AUTS2: variants seen among roughly 807,000 people sequenced by gnomAD.
AUTS2 encodes activator of transcription and developmental regulator AUTS2.
In AUTS2, 17 loss-of-function variants were observed where a neutral mutation model predicts 112.4. The observed-to-expected ratio is 0.15, with a 90% CI of 0.10 to 0.23. The LOEUF (loss-of-function observed/expected upper bound fraction) is 0.23, where lower values mean the gene tolerates loss of function less well. Ranked by LOEUF, AUTS2 falls within the 10% of genes least tolerant of loss-of-function variation. The pLI is 1.00. For missense variants in AUTS2, 1,510 were observed against 1,701.6 expected, an observed-to-expected ratio of 0.89 and a Z score of 1.98; for synonymous variants, 751 against 702.7, an observed-to-expected ratio of 1.07 and a Z score of -1.09.
intron 2 of AUTS2, among the ~76,000 whole-genome samples, chr7:69,919,522 G>A (rs1394508536): frequency 1.3e-5 from 2 of 152,218 alleles, no homozygotes; most frequent in Non-Finnish European, 2.9e-5. Context: ...CAGTGAAGAA[G>A]ATAGCAGTGT....
chr7:69,658,945 C>T (rs769826235), intron 1 of AUTS2, among the ~76,000 whole-genome samples: 1 of 152,178 alleles, frequency 6.6e-6, no homozygotes, highest in Non-Finnish European at 1.5e-5. Context: ...TTCACATATC[C>T]ACTTCCATTG....
chr7:70,554,157 C>G (rs1253479181), intron 5 of AUTS2, among the ~76,000 whole-genome samples: 1 of 151,216 alleles, frequency 6.6e-6, no homozygotes, highest in African/African-American at 2.4e-5. Flanking sequence ...CAACCTCCGC[C>G]TCCTGGGTTC....
chr7:70,567,179 A>T (rs929807707), intron 5 of AUTS2, among the ~76,000 whole-genome samples: 3 of 152,250 alleles, frequency 2.0e-5, no homozygotes, highest in Non-Finnish European at 2.9e-5. Flanking sequence ...CAACTGGCCA[A>T]TGAAACCCTT....
intron 4 of AUTS2, among the ~76,000 whole-genome samples, chr7:70,401,023 TA>T (rs1794305084): frequency 6.6e-6 from 1 of 152,120 alleles, no homozygotes; most frequent in African/African-American, 2.4e-5. Context: ...ATAATGAGGT[TA>T]GGGGCTGTGG....
intron 4 of AUTS2, among the ~76,000 whole-genome samples, chr7:70,356,892 TCCCAG>T (rs1432289771): frequency 6.6e-6 from 1 of 152,174 alleles, no homozygotes; most frequent in Non-Finnish European, 1.5e-5. Context: ...ATTGGACCAG[TCCCAG>T]TTCCTTAGTA....
chr7:69,907,720 A>G (rs934693267), intron 2 of AUTS2, among the ~76,000 whole-genome samples: 1 of 152,216 alleles, frequency 6.6e-6, no homozygotes, highest in African/African-American at 2.4e-5. Flanking sequence ...GTTCTTACAT[A>G]TAACTTTGTT....
chr7:69,658,147 T>C (rs1795628359), intron 1 of AUTS2, among the ~76,000 whole-genome samples: 1 of 152,282 alleles, frequency 6.6e-6, no homozygotes, highest in South Asian at 2.1e-4. Flanking sequence ...ATTTACGTTA[T>C]TGCCTTTGGC....
rs1298819582 is a variant in AUTS2, at chr7:70,628,333, T to C, written c.691-70236T>C. On this transcript the variant is annotated intron_variant, in intron 5 of 18. Transcript: ENST00000342771. ...GCAAAACTATATATATATATACATA[T>C]ATATATAGTATATATATATATGTAT... Among the ~76,000 whole-genome samples, 59 of 4,766 alleles carry C rather than the reference T, an allele frequency of 0.012. No individual in the cohort carries two copies. The South Asian group carries it at 0.12, about 10-fold the overall frequency. The allele number at this position is 4,766 out of a possible 152,430, so 3.1% of individuals were successfully genotyped here.
chr7:70,024,849 T>C (rs1420029737), intron 2 of AUTS2, among the ~76,000 whole-genome samples: 1 of 152,222 alleles, frequency 6.6e-6, no homozygotes, highest in Non-Finnish European at 1.5e-5. Context: ...ACCCACATTA[T>C]AGAGGATAAC....
intron 5 of AUTS2, among the ~76,000 whole-genome samples, chr7:70,444,313 T>G (rs1796231200): frequency 6.6e-6 from 1 of 151,480 alleles, no homozygotes; most frequent in Admixed American, 6.6e-5. Context: ...TGTTCTGTCT[T>G]CAATGAAGAT....
chr7:69,639,247 ACT>A (rs1278727149), intron 1 of AUTS2, among the ~76,000 whole-genome samples: 2 of 152,332 alleles, frequency 1.3e-5, no homozygotes, highest in African/African-American at 4.8e-5. Flanking sequence ...CCTAGAGAGT[ACT>A]TATCTATTTT....
intron 5 of AUTS2, among the ~76,000 whole-genome samples, chr7:70,690,848 G>A (rs1808718167): frequency 6.6e-6 from 1 of 152,124 alleles, no homozygotes; most frequent in South Asian, 2.1e-4. Context: ...GTAGTCCCAG[G>A]TACTTGGAAG....
intron 2 of AUTS2, among the ~76,000 whole-genome samples, chr7:69,952,256 A>G (rs1248132063): frequency 6.6e-6 from 1 of 152,176 alleles, no homozygotes; most frequent in Non-Finnish European, 1.5e-5. Flanking sequence ...ATAAAGATGG[A>G]AAAATGATAT....
intron 2 of AUTS2, among the ~76,000 whole-genome samples, chr7:69,959,903 C>T (rs1032248933): frequency 7.9e-5 from 12 of 152,010 alleles, no homozygotes; most frequent in Admixed American, 3.3e-4. Flanking sequence ...GAATATATGG[C>T]CAGGGTCTGA....
chr7:70,147,923 T>C (rs761433579), intron 4 of AUTS2, among the ~76,000 whole-genome samples: 4 of 151,930 alleles, frequency 2.6e-5, no homozygotes, highest in Non-Finnish European at 5.9e-5. Flanking sequence ...ATTTCTTTCT[T>C]CTTGATGTTC....
At chr7:70,734,878 T>C (rs1360914068) in intron 6 of AUTS2, among the ~76,000 whole-genome samples, 1 of 152,106 alleles carries the variant, frequency 6.6e-6, no homozygotes, top group African/African-American at 2.4e-5. Flanking sequence ...TCATGCCTAA[T>C]AGTTATCAAA....
In AUTS2 at chr7:70,650,732, A is replaced by G. The variant is rs115502749; in HGVS notation, c.691-47837A>G. On this transcript the variant is annotated intron_variant, in intron 5 of 18. Transcript: ENST00000342771. ...ATTTACCTCTACATATCTCCAGTGA[A>G]CTTCTGTGACCATTAACTGTCAATT... 3.8e-3 allele frequency among the ~76,000 whole-genome samples: 572 copies of G among 152,318 alleles called. 4 individuals are homozygous for G. Among genetic ancestry groups the G allele is most frequent in the African/African-American group, 0.013 (556 of 41,570 alleles).
intron 5 of AUTS2, among the ~76,000 whole-genome samples, chr7:70,461,182 T>C (rs1035703591): frequency 2.0e-5 from 3 of 151,324 alleles, no homozygotes; most frequent in African/African-American, 7.3e-5. Context: ...GAACAACTTT[T>C]GTAGGTAACT....
intron 2 of AUTS2, among the ~76,000 whole-genome samples, chr7:69,988,913 A>G (rs1436932163): frequency 2.6e-5 from 4 of 152,168 alleles, no homozygotes; most frequent in Non-Finnish European, 5.9e-5. Context: ...TGTTGGGGGC[A>G]GGGAGGACGG....
Sources: allele counts gnomAD v4.1 joint callset (sites outside exome capture counted in the v4.1 genomes callset), GRCh38; gene constraint gnomAD v4.1.1; transcripts MANE v1.5; gene names NCBI Gene and HGNC (gene_info 2026-07-23, HGNC 2026-07-21).